The following RPS6KC1 variants were observed in gnomAD, a reference collection of about 807,000 sequenced individuals.
The protein encoded by RPS6KC1 is inactive ribosomal protein S6 kinase delta-1.
In RPS6KC1, 54 loss-of-function variants were observed where a neutral mutation model predicts 103.8. The ratio of observed to expected loss-of-function variants is 0.52; its 90% CI spans 0.42 to 0.65. RPS6KC1 has a LOEUF of 0.65. RPS6KC1 is among the 30% of genes least tolerant of loss of function. RPS6KC1 has a pLI of 0.00. For synonymous variants in RPS6KC1, 439 were observed against 438.7 expected (o/e 1.00, Z -0.01); for missense variants, 1,151 against 1,253.8 (o/e 0.92, Z 1.24).
intron 3 of RPS6KC1, among the ~76,000 whole-genome samples, chr1:213,095,116 C>T (rs993747418): frequency 6.6e-6 from 1 of 152,186 alleles, no homozygotes; most frequent in African/African-American, 2.4e-5. Flanking sequence ...CTGATACCCT[C>T]TTGGTGAAAT....
At chr1:213,562,473 T>G in the RPS6KC1 span, among the ~76,000 whole-genome samples, 2 of 139,620 alleles carry the variant, frequency 1.4e-5, no homozygotes, top group African/African-American at 5.3e-5. Context: ...CACTGCAAGC[T>G]CCGCCTCCCG....
the RPS6KC1 span, among the ~76,000 whole-genome samples, chr1:213,347,369 C>T: frequency 5.9e-5 from 9 of 152,110 alleles, no homozygotes; most frequent in Non-Finnish European, 8.8e-5. Flanking sequence ...CATTAAGCAA[C>T]TTCAGAATTA....
At chr1:213,660,499 G>A in the RPS6KC1 span, among the ~76,000 whole-genome samples, 1 of 152,228 alleles carries the variant, frequency 6.6e-6, no homozygotes, top group Non-Finnish European at 1.5e-5. Flanking sequence ...ATCAGTCGTT[G>A]CTCATGCGCC....
intron 8 of RPS6KC1, among the ~76,000 whole-genome samples, chr1:213,208,546 G>A (rs2093418800): frequency 6.6e-6 from 1 of 152,032 alleles, no homozygotes; most frequent in Non-Finnish European, 1.5e-5. Flanking sequence ...ATGTTTTGTT[G>A]GGAGATCAAA....
chr1:213,272,659 C>T lies in RPS6KC1; in HGVS notation c.*25C>T, dbSNP rs763650651. 6.6e-7 allele frequency: 1 copy of T among 1,526,216 alleles called. No individual in the cohort carries two copies. The highest frequency in any genetic ancestry group is 9.1e-7 in the Non-Finnish European group (1 of 1,100,174). The allele number at this position is 1,526,216 out of a possible 1,614,324, so 94.5% of individuals were successfully genotyped here. A position where few individuals can be genotyped will look rare whatever the true frequency, so the allele number is the denominator to read the frequency against. ...AACGTAATGCAGGGTTATCTTCACACATTCTGATCTTCTCTGTGACAGGCA... is the reference window on the plus strand; with the variant it reads ...AACGTAATGCAGGGTTATCTTCACATATTCTGATCTTCTCTGTGACAGGCA... On this transcript the variant is annotated 3_prime_UTR_variant, in exon 15 of 15. Coordinates refer to ENST00000366960, the MANE Select transcript of RPS6KC1 (RefSeq NM_012424.6).
At chr1:213,504,379 C>G in the RPS6KC1 span, among the ~76,000 whole-genome samples, 2 of 151,850 alleles carry the variant, frequency 1.3e-5, no homozygotes, top group Non-Finnish European at 2.9e-5. Context: ...TATGGAATTC[C>G]TTTTTTATTG....
the RPS6KC1 span, among the ~76,000 whole-genome samples, chr1:213,358,296 G>A: frequency 6.6e-6 from 1 of 152,106 alleles, no homozygotes; most frequent in Admixed American, 6.5e-5. Flanking sequence ...TATTAATTAT[G>A]GCCTCAATTT....
chr1:213,741,078 A>C, the RPS6KC1 span, among the ~76,000 whole-genome samples: 35 of 148,894 alleles, frequency 2.4e-4, no homozygotes, highest in South Asian at 1.9e-3. Context: ...AGTATATATA[A>C]ATAATGTATA....
chr1:213,590,546 T>C, the RPS6KC1 span, among the ~76,000 whole-genome samples: 1 of 152,134 alleles, frequency 6.6e-6, no homozygotes, highest in East Asian at 1.9e-4. Context: ...AGCTGAGGCC[T>C]CAGAGGACAT....
chr1:213,566,507 T>A, the RPS6KC1 span, among the ~76,000 whole-genome samples: 1 of 134,614 alleles, frequency 7.4e-6, no homozygotes, highest in East Asian at 2.2e-4. Flanking sequence ...TTGCCTTTCC[T>A]CTCTTCTGGA....
the RPS6KC1 span, among the ~76,000 whole-genome samples, chr1:213,733,385 A>G: frequency 3.3e-5 from 5 of 151,578 alleles, no homozygotes; most frequent in African/African-American, 9.7e-5. Flanking sequence ...GACTACAGGC[A>G]TATGCCACCA....
intron 8 of RPS6KC1, among the ~76,000 whole-genome samples, chr1:213,203,470 A>T (rs1393424798): frequency 6.6e-6 from 1 of 152,122 alleles, no homozygotes; most frequent in Non-Finnish European, 1.5e-5. Flanking sequence ...ATATATTTTT[A>T]AAATTTTTTA....
intron 1 of RPS6KC1, among the ~76,000 whole-genome samples, chr1:213,061,591 G>GTTT (rs35327007): frequency 1.4e-5 from 2 of 144,400 alleles, no homozygotes; most frequent in Non-Finnish European, 1.5e-5. Context: ...AGACTTGGGT[G>GTTT]TTTTTTTTTT....
chr1:213,411,105 T>C, the RPS6KC1 span, among the ~76,000 whole-genome samples: 1 of 152,230 alleles, frequency 6.6e-6, no homozygotes, highest in Non-Finnish European at 1.5e-5. Context: ...GCCTTCATCC[T>C]GATGGCTGCC....
the RPS6KC1 span, among the ~76,000 whole-genome samples, chr1:213,421,134 T>A: frequency 6.6e-6 from 1 of 152,152 alleles, no homozygotes; most frequent in Non-Finnish European, 1.5e-5. Flanking sequence ...TGTTTGTTCA[T>A]TTTTTTGAGA....
chr1:213,736,173 A>C, the RPS6KC1 span, among the ~76,000 whole-genome samples: 1 of 152,170 alleles, frequency 6.6e-6, no homozygotes, highest in African/African-American at 2.4e-5. Flanking sequence ...CACACACTTA[A>C]TACCTTGAAA....
At chr1:213,443,057 G>A in the RPS6KC1 span, among the ~76,000 whole-genome samples, 2 of 152,008 alleles carry the variant, frequency 1.3e-5, no homozygotes, top group East Asian at 1.9e-4. Context: ...AACTGTTGGC[G>A]GCGATGTTTC....
At position 213,145,447 on chromosome 1, in the gene RPS6KC1, C is replaced by T. The variant is rs144803764; in HGVS notation, c.835+15558C>T. Reference sequence around the variant, plus strand: ...GTTGTCTAGAGGAGAGATAATGGTACAGAGATTGGTAGTGTCTCCTGGAAT... The same window carrying T: ...GTTGTCTAGAGGAGAGATAATGGTATAGAGATTGGTAGTGTCTCCTGGAAT... On this transcript the variant is annotated intron_variant, in intron 6 of 14. Coordinates refer to ENST00000366960, the MANE Select transcript of RPS6KC1 (RefSeq NM_012424.6). Among the ~76,000 whole-genome samples the T allele has an allele frequency of 5.7e-3, 869 of 152,130 alleles. 11 individuals are homozygous for T. The highest frequency in any genetic ancestry group is 0.018 in the African/African-American group (727 of 41,520).
chr1:213,530,940 G>C, the RPS6KC1 span, among the ~76,000 whole-genome samples: 1 of 152,192 alleles, frequency 6.6e-6, no homozygotes, highest in Non-Finnish European at 1.5e-5. Context: ...CTTTGTGGAG[G>C]AATGTCTTGT....
Sources: gnomAD v4.1 joint callset for allele counts (sites outside exome capture counted in the v4.1 genomes callset) on GRCh38, gnomAD v4.1.1 for gene constraint, MANE v1.5 for transcripts, NCBI Gene and HGNC (gene_info 2026-07-23, HGNC 2026-07-21) for gene names.